DISC1: variants seen among roughly 807,000 people sequenced by gnomAD.
DISC1 encodes the protein DISC1 scaffold protein.
In DISC1, 57 loss-of-function variants were observed where a neutral mutation model predicts 84.5. That is an observed-to-expected ratio of 0.67 (90% CI 0.55 to 0.84). The LOEUF (loss-of-function observed/expected upper bound fraction) is 0.84. Among genes scored for constraint, DISC1 ranks in the 40% least tolerant of loss-of-function variants. The probability of loss-of-function intolerance (pLI) is 0.00; values close to 1 mark genes in which losing one functional copy is unlikely to be tolerated. For synonymous variants in DISC1, 411 were observed against 415.2 expected, an observed-to-expected ratio of 0.99 and a Z score of 0.12; for missense variants, 1,000 against 1,057.8, an observed-to-expected ratio of 0.95 and a Z score of 0.76.
chr1:231,713,841 GATAT>G (rs1229580191), intron 3 of DISC1, among the ~76,000 whole-genome samples: 7 of 132,738 alleles, frequency 5.3e-5, no homozygotes, highest in African/African-American at 1.1e-4. Context: ...ATATATAGGA[GATAT>G]ATATATATAT....
chr1:231,643,303 T>G (rs918201892), intron 1 of DISC1, among the ~76,000 whole-genome samples: 5 of 152,182 alleles, frequency 3.3e-5, no homozygotes, highest in African/African-American at 7.2e-5. Context: ...TCCTTGTCCC[T>G]TCAGATCTCA....
chr1:231,713,755 TATATAGGAGATATATATATAGGAG>T (rs2068238611), intron 3 of DISC1, among the ~76,000 whole-genome samples: 2 of 144,170 alleles, frequency 1.4e-5, no homozygotes, highest in African/African-American at 5.2e-5. Context: ...AGGAGATATA[TATATAGGAGATATATATATAGGAG>T]ATATATATAT....
chr1:231,920,835 G>A (rs1041410489), intron 9 of DISC1, among the ~76,000 whole-genome samples: 2 of 151,748 alleles, frequency 1.3e-5, no homozygotes, highest in African/African-American at 4.8e-5. Flanking sequence ...AAGTTAACTG[G>A]GCAAGTTGTG....
intron 10 of DISC1, among the ~76,000 whole-genome samples, chr1:232,008,025 C>T (rs1667673841): frequency 6.6e-6 from 1 of 152,142 alleles, no homozygotes; most frequent in Non-Finnish European, 1.5e-5. Flanking sequence ...TTCCCCTTCA[C>T]CTTCTGCCAT....
At chr1:231,656,179 T>G (rs1169184346) in intron 1 of DISC1, among the ~76,000 whole-genome samples, 1 of 152,154 alleles carries the variant, frequency 6.6e-6, no homozygotes, top group Non-Finnish European at 1.5e-5. Context: ...TCCAAAATAA[T>G]TTTTCCTAGG....
intron 9 of DISC1, among the ~76,000 whole-genome samples, chr1:231,885,012 A>C (rs942629610): frequency 6.6e-6 from 1 of 152,122 alleles, no homozygotes; most frequent in African/African-American, 2.4e-5. Flanking sequence ...TGGCTTTAGA[A>C]GTTGTTATTA....
intron 9 of DISC1, among the ~76,000 whole-genome samples, chr1:231,847,844 A>T (rs2083572567): frequency 6.6e-6 from 1 of 152,182 alleles, no homozygotes; most frequent in Non-Finnish European, 1.5e-5. Context: ...TTGCTGGCTG[A>T]TAGGGCCTCA....
At chr1:231,832,634 G>A (rs1167657259) in intron 9 of DISC1, among the ~76,000 whole-genome samples, 1 of 150,454 alleles carries the variant, frequency 6.6e-6, no homozygotes, top group Non-Finnish European at 1.5e-5. Context: ...CAGTCTAAGT[G>A]AAAGCGAAGA....
At chr1:231,859,573 G>GT (rs397822302) in intron 9 of DISC1, among the ~76,000 whole-genome samples, 2 of 151,604 alleles carry the variant, frequency 1.3e-5, no homozygotes, top group Non-Finnish European at 2.9e-5. Context: ...TCACTTTGGG[G>GT]TTAGGATTTT....
At chr1:231,886,965 G>A (rs1169341932) in intron 9 of DISC1, among the ~76,000 whole-genome samples, 3 of 150,370 alleles carry the variant, frequency 2.0e-5, no homozygotes, top group African/African-American at 7.3e-5. Context: ...GAGTTCAAGC[G>A]ATTCTCCTGC....
At chr1:231,749,750 A>G (rs1379360397) in intron 3 of DISC1, among the ~76,000 whole-genome samples, 176 bp from the exon 4 acceptor site, 2 of 152,220 alleles carry the variant, frequency 1.3e-5, no homozygotes, top group African/African-American at 4.8e-5. Flanking sequence ...GTTGGTGCAA[A>G]GAAGATTCTT....
rs897147303 is a variant in DISC1 at position 231,866,378 on chromosome 1, C to A, written c.1981+47861C>A. 4 of 615,408 alleles carry A rather than the reference C, an allele frequency of 6.5e-6. No individual in the cohort carries two copies. In the Admixed American group the frequency reaches 1.0e-4, roughly 16 times the overall value. 38.1% of individuals were successfully genotyped at this position (615,408 alleles called of 1,614,324 possible). A position where few individuals can be genotyped will look rare whatever the true frequency, so the allele number is the denominator to read the frequency against. On this transcript the variant is annotated intron_variant, in intron 9 of 12. Transcript: ENST00000439617. ...ATGAAAAACTTGGATTTAATTATCT[C>A]TGAAGTCACTTCAAGCAGAAATGTA...
At chr1:231,657,923 C>T (rs2061257672) in intron 1 of DISC1, among the ~76,000 whole-genome samples, 1 of 152,130 alleles carries the variant, frequency 6.6e-6, no homozygotes. Context: ...CATGATGCCT[C>T]CAGCTTTGTT....
chr1:231,977,108 A>G (rs1351688273), intron 10 of DISC1, among the ~76,000 whole-genome samples: 1 of 152,218 alleles, frequency 6.6e-6, no homozygotes, highest in East Asian at 1.9e-4. Context: ...ATACAAAACT[A>G]GAGAAATTAT....
At chr1:231,672,564 C>A (rs942011092) in intron 1 of DISC1, among the ~76,000 whole-genome samples, 25 of 152,140 alleles carry the variant, frequency 1.6e-4, no homozygotes, top group African/African-American at 6.0e-4. Context: ...TTGAAGCACA[C>A]CTTTGTGCTG....
chr1:231,979,532 T>C (rs1663302159), intron 10 of DISC1, among the ~76,000 whole-genome samples: 1 of 151,538 alleles, frequency 6.6e-6, no homozygotes. Context: ...ATTTATGTTA[T>C]ATTATATTTG....
At chr1:231,727,056 T>A (rs1162792600) in intron 3 of DISC1, among the ~76,000 whole-genome samples, 2 of 152,150 alleles carry the variant, frequency 1.3e-5, no homozygotes, top group Non-Finnish European at 2.9e-5. Context: ...TCTGATTCTT[T>A]TCTTAAAACA....
chr1:231,719,492 A>G (rs1246425961), intron 3 of DISC1, among the ~76,000 whole-genome samples: 2 of 152,214 alleles, frequency 1.3e-5, no homozygotes, highest in African/African-American at 2.4e-5. Context: ...GCAAAGTTCA[A>G]TTCTGCCATT....
chr1:231,881,609 G>A (rs1046846339), intron 9 of DISC1, among the ~76,000 whole-genome samples: 2 of 152,070 alleles, frequency 1.3e-5, no homozygotes, highest in African/African-American at 4.8e-5. Context: ...CTTTTATGGA[G>A]GGGGGCACAT....
Sources: allele counts gnomAD v4.1 joint callset (sites outside exome capture counted in the v4.1 genomes callset), GRCh38; gene constraint gnomAD v4.1.1; transcripts MANE v1.5; gene names NCBI Gene and HGNC (gene_info 2026-07-23, HGNC 2026-07-21).